PAXIP1: variants seen among roughly 807,000 people sequenced by gnomAD.
The protein encoded by PAXIP1 is PAX-interacting protein 1.
Under a neutral mutation model 140.6 loss-of-function variants are expected in PAXIP1, and 19 were observed. The ratio of observed to expected loss-of-function variants is 0.14; its 90% CI spans 0.09 to 0.20. PAXIP1 has a LOEUF of 0.20. PAXIP1 is among the 10% of genes least tolerant of loss of function. The probability of loss-of-function intolerance (pLI) is 1.00; values close to 1 mark genes in which losing one functional copy is unlikely to be tolerated. For missense variants in PAXIP1, 920 were observed against 1,208.6 expected, an observed-to-expected ratio of 0.76 and a Z score of 3.54; for synonymous variants, 442 against 444.6, an observed-to-expected ratio of 0.99 and a Z score of 0.07.
At position 154,963,388 on chromosome 7, in the gene PAXIP1, C is replaced by G. The variant is rs1374363909; in HGVS notation, c.1989+283G>C. Among the ~76,000 whole-genome samples, 1 of 152,078 alleles carries G rather than the reference C, an allele frequency of 6.6e-6. No homozygotes were observed. The highest frequency in any genetic ancestry group is 6.6e-5 in the Admixed American group (1 of 15,262). ...ACAGGATTTCACCAGGTTGGTCAGG[C>G]TGGTCTCAAACGCCTGACCTCGTGA... On this transcript the variant is annotated intron_variant, in intron 9 of 20. Coordinates refer to ENST00000404141, the MANE Select transcript of PAXIP1 (RefSeq NM_007349.4). This position sits in a 1 kb window ranked among gnomAD's most constrained non-coding sequence, Gnocchi z 4.1.
chr7:154,996,691 A>G (rs151010760), intron 2 of PAXIP1, among the ~76,000 whole-genome samples: 1 of 152,224 alleles, frequency 6.6e-6, no homozygotes, highest in African/African-American at 2.4e-5. Flanking sequence ...AAGTGTTTAC[A>G]CATTGAAATA....
chr7:155,002,534 AAGG>A (rs1376667433), intron 1 of PAXIP1, among the ~76,000 whole-genome samples: 1 of 151,646 alleles, frequency 6.6e-6, no homozygotes, highest in Non-Finnish European at 1.5e-5. Context: ...CCGCTCAGCA[AAGG>A]AGCAGAGAAC....
At chr7:154,958,282 T>C (rs1393973455) in intron 13 of PAXIP1, among the ~76,000 whole-genome samples, 1 of 152,212 alleles carries the variant, frequency 6.6e-6, no homozygotes, top group African/African-American at 2.4e-5. Flanking sequence ...AGCATCTCCA[T>C]TCTACCCTAT....
intron 12 of PAXIP1, 79 bp downstream of exon 12, chr7:154,960,814 A>T (rs1808725172): frequency 2.0e-6 from 2 of 1,007,112 alleles, no homozygotes; most frequent in African/African-American, 1.6e-5. Context: ...CCTGGTAATT[A>T]GTATGAATAA....
chr7:154,964,507 T>C (rs1808914744), intron 8 of PAXIP1: 1 of 152,222 alleles, frequency 6.6e-6, no homozygotes, highest in Non-Finnish European at 1.5e-5. Flanking sequence ...AGCATAAATA[T>C]AGTTTAATGA....
At chr7:154,957,407 T>C in intron 13 of PAXIP1, 113 bp from the exon 14 acceptor site, 1 of 548,268 alleles carries the variant, frequency 1.8e-6, no homozygotes, top group South Asian at 3.1e-5. Flanking sequence ...ACAAGAATCA[T>C]GTTCTTCTTC....
At chr7:154,960,491 G>A (rs983336449) in intron 12 of PAXIP1, among the ~76,000 whole-genome samples, 5 of 152,136 alleles carry the variant, frequency 3.3e-5, no homozygotes, top group Admixed American at 1.3e-4. Context: ...GCTTTCAAGC[G>A]CTCCTTCCAT....
rs998481313 is a variant in PAXIP1 at position 154,954,488 on chromosome 7, G to C, written c.2653-65C>G. 2 of 1,086,876 alleles carry C rather than the reference G, an allele frequency of 1.8e-6. No homozygotes were observed. Among genetic ancestry groups the C allele is most frequent in the African/African-American group, 3.2e-5 (2 of 61,806 alleles). 67.3% of individuals were successfully genotyped at this position (1,086,876 alleles called of 1,614,324 possible). A position where few individuals can be genotyped will look rare whatever the true frequency, so the allele number is the denominator to read the frequency against. Reference sequence around the variant, plus strand: ...GCATCCACAGAGCCACACTGACACAGAGTAACACAGAGGAATATCTACCTA... The same window carrying C: ...GCATCCACAGAGCCACACTGACACACAGTAACACAGAGGAATATCTACCTA... On this transcript the variant is annotated intron_variant, in intron 15 of 20. Coordinates refer to ENST00000404141, the MANE Select transcript of PAXIP1 (RefSeq NM_007349.4). This position sits in a 1 kb window ranked among gnomAD's most constrained non-coding sequence, Gnocchi z 5.1.
intron 3 of PAXIP1, among the ~76,000 whole-genome samples, chr7:154,993,072 C>T (rs1162688956): frequency 6.6e-6 from 1 of 152,166 alleles, no homozygotes; most frequent in African/African-American, 2.4e-5. Context: ...AAGTAACAGT[C>T]CCATGAAGAA....
At chr7:154,994,036 A>T (rs1810466371) in intron 2 of PAXIP1, among the ~76,000 whole-genome samples, 1 of 152,140 alleles carries the variant, frequency 6.6e-6, no homozygotes, top group African/African-American at 2.4e-5. Context: ...CACACTTATT[A>T]CTGCTGACCC....
chr7:154,976,422 G>A (rs1405114757), intron 5 of PAXIP1, 91 bp from the exon 6 acceptor site: 7 of 1,472,196 alleles, frequency 4.8e-6, no homozygotes, highest in Middle Eastern at 2.2e-4. Context: ...CTCAGTCAAG[G>A]AATGCAGTTG....
At chr7:154,979,323 T>C (rs562343840) in intron 5 of PAXIP1, among the ~76,000 whole-genome samples, 42 of 152,344 alleles carry the variant, frequency 2.8e-4, no homozygotes, top group African/African-American at 8.9e-4. Flanking sequence ...GTATAAAAGG[T>C]AGTTTTATTA....
At position 154,969,073 on chromosome 7, in the gene PAXIP1, G is replaced by A. The variant is rs1353129237; in HGVS notation, c.1128C>T (p.His376=). The A allele has an allele frequency of 6.6e-7, 1 of 1,509,178 alleles. No individual in the cohort carries two copies. Among genetic ancestry groups the A allele is most frequent in the Admixed American group, 2.2e-5 (1 of 46,408 alleles). 93.5% of individuals were successfully genotyped at this position (1,509,178 alleles called of 1,614,324 possible). ...TGGCATTTGTATGTCCCTGCTGGCTGTGATTCACCTGCTGTTCTAAATTTT... is the reference window on the plus strand; with the variant it reads ...TGGCATTTGTATGTCCCTGCTGGCTATGATTCACCTGCTGTTCTAAATTTT... The part of the protein sequence containing the change: ...PTKNLEQQVN[H]SQQGHTNANA... Residue 376 remains histidine (H), a synonymous_variant, in exon 7 of 21, where the codon CAC becomes CAT. Coordinates refer to ENST00000404141, the MANE Select transcript of PAXIP1 (RefSeq NM_007349.4).
At chr7:155,001,048 G>A (rs1810864900) in intron 1 of PAXIP1, 1 of 152,134 alleles carries the variant, frequency 6.6e-6, no homozygotes, top group South Asian at 2.1e-4. Flanking sequence ...ATTATACCTG[G>A]CACCTAGTCC....
rs141168451 is a variant in PAXIP1 at position 154,968,556 on chromosome 7, T to TCTG, written c.1642_1644dup (p.Gln548dup). On this transcript the variant is annotated inframe_insertion, in exon 7 of 21. Coordinates refer to ENST00000404141, the MANE Select transcript of PAXIP1 (RefSeq NM_007349.4). Reference sequence around the variant, plus strand: ...AAGTGTGGCGCTGTCTGACTTTGCATCTGCTGCTGCTGCTGCTGCTGGTGC... The same window carrying TCTG: ...AAGTGTGGCGCTGTCTGACTTTGCATCTGCTGCTGCTGCTGCTGCTGCTGGTGC... The TCTG allele has an allele frequency of 4.1e-5, 30 of 726,808 alleles. No homozygotes were observed. In the East Asian group the frequency reaches 5.4e-4, roughly 13 times the overall value. 45.0% of individuals were successfully genotyped at this position (726,808 alleles called of 1,614,324 possible). A position where few individuals can be genotyped will look rare whatever the true frequency, so the allele number is the denominator to read the frequency against.
chr7:155,002,829 G>A lies in PAXIP1; in HGVS notation c.81+20C>T. ...GGACGCGGACGGGGGAGGAGGCCGCGGCAGGGGCGGGCGCGGTACCTGCGG... is the reference window on the plus strand; with the variant it reads ...GGACGCGGACGGGGGAGGAGGCCGCAGCAGGGGCGGGCGCGGTACCTGCGG... On this transcript the variant is annotated intron_variant, in intron 1 of 20. Coordinates refer to ENST00000404141, the MANE Select transcript of PAXIP1 (RefSeq NM_007349.4). The A allele has an allele frequency of 7.7e-7, 1 of 1,299,774 alleles. No homozygotes were observed. Among genetic ancestry groups the A allele is most frequent in the Non-Finnish European group, 1.0e-6 (1 of 994,614 alleles). 80.5% of individuals were successfully genotyped at this position (1,299,774 alleles called of 1,614,324 possible).
At chr7:154,995,540 G>C (rs892046394) in intron 2 of PAXIP1, among the ~76,000 whole-genome samples, 1 of 152,168 alleles carries the variant, frequency 6.6e-6, no homozygotes, top group African/African-American at 2.4e-5. Context: ...TTATCCTAAA[G>C]GCAAAGAACA....
rs976522737 is a variant in PAXIP1, at chr7:155,003,081, C to G, written c.-152G>C. ...TCCTGCGAATCGGGGTCCGCTCCCC[C>G]GCCCTCCGCGCCCCCGCCCGCGCCC... On this transcript the variant is annotated 5_prime_UTR_variant, in exon 1 of 21. Coordinates refer to ENST00000404141, the MANE Select transcript of PAXIP1 (RefSeq NM_007349.4). 1.6e-5 allele frequency: 3 copies of G among 190,056 alleles called. No individual in the cohort carries two copies. Among genetic ancestry groups the G allele is most frequent in the African/African-American group, 2.4e-5 (1 of 41,632 alleles). 11.8% of individuals were successfully genotyped at this position (190,056 alleles called of 1,614,324 possible). A position where few individuals can be genotyped will look rare whatever the true frequency, so the allele number is the denominator to read the frequency against.
intron 4 of PAXIP1, among the ~76,000 whole-genome samples, chr7:154,984,034 C>T (rs1422440164): frequency 6.6e-6 from 1 of 152,164 alleles, no homozygotes; most frequent in Non-Finnish European, 1.5e-5. Context: ...AGTGCTTTAT[C>T]TATACAGCTA....
Sources: allele counts gnomAD v4.1 joint callset (sites outside exome capture counted in the v4.1 genomes callset), GRCh38; gene constraint gnomAD v4.1.1; non-coding constraint Gnocchi (gnomAD v3.1); transcripts MANE v1.5; gene names NCBI Gene and HGNC (gene_info 2026-07-23, HGNC 2026-07-21).